Variants in VPS13C observed in about 807,000 individuals in gnomAD.
VPS13C encodes the protein intermembrane lipid transfer protein VPS13C.
A neutral mutation model predicts 456.8 loss-of-function variants in VPS13C; 358 were observed. The ratio of observed to expected loss-of-function variants is 0.78; its 90% CI spans 0.72 to 0.86. VPS13C has a LOEUF of 0.86. VPS13C is among the 40% of genes least tolerant of loss of function. The pLI, the probability that VPS13C is intolerant of heterozygous loss-of-function variation, is 0.00. For synonymous variants in VPS13C, 1,578 were observed against 1,486.7 expected (o/e 1.06, Z -1.41); for missense variants, 4,818 against 4,385.4 (o/e 1.10, Z -2.79).
chr15:61,970,351 C>A (rs1307832821), intron 27 of VPS13C, among the ~76,000 whole-genome samples: 2 of 152,118 alleles, frequency 1.3e-5, no homozygotes, highest in Non-Finnish European at 2.9e-5. Context: ...TCCTAACCCA[C>A]AAACCTGTAA....
intron 53 of VPS13C, among the ~76,000 whole-genome samples, chr15:61,923,105 A>C (rs1340651359): frequency 1.3e-5 from 2 of 152,162 alleles, no homozygotes; most frequent in Non-Finnish European, 2.9e-5. Flanking sequence ...AAGTATAGCA[A>C]TGTAAACAAA....
At chr15:61,922,110 T>C in intron 54 of VPS13C, 77 bp from the exon 55 acceptor site, 4 of 1,451,658 alleles carry the variant, frequency 2.8e-6, no homozygotes, top group Non-Finnish European at 3.8e-6. Flanking sequence ...AGGGAAATTA[T>C]TAAGTAATCA....
chr15:62,043,641 C>G (rs953375270), intron 2 of VPS13C, among the ~76,000 whole-genome samples: 1 of 151,916 alleles, frequency 6.6e-6, no homozygotes, highest in Admixed American at 6.6e-5. Context: ...AGGTTGGAAG[C>G]CGGAAAAAAA....
At position 61,968,696 on chromosome 15, in the gene VPS13C, T is replaced by C. The variant is rs115081041; in HGVS notation, c.2911+603A>G. ...TCATTTTTATTTTTATAACCTGGTG[T>C]TTCTTGTGGTATATGACAATCAGAG... On this transcript the variant is annotated intron_variant, in intron 28 of 84. Transcript: ENST00000644861. 9.0e-3 allele frequency among the ~76,000 whole-genome samples: 1,366 copies of C among 152,144 alleles called. 25 individuals carry two copies. The highest frequency in any genetic ancestry group is 0.031 in the African/African-American group (1,286 of 41,496).
Position 61,920,076 on chromosome 15 carries a change from G to A in VPS13C, c.7468C>T (p.Leu2490=), listed in dbSNP as rs141078479. The A allele has an allele frequency of 4.4e-6, 7 of 1,605,098 alleles. No homozygotes were observed. The highest frequency in any genetic ancestry group is 6.0e-6 in the Non-Finnish European group (7 of 1,173,794). Residue 2490 remains leucine, a synonymous_variant, in exon 57 of 85, where the codon CTG becomes TTG. Transcript: ENST00000644861. ...AACAAATATAGCCTACCAATGGTCA[G>A]AGTGAAGAAGGAGCTTTCTTGACGG... ...LSRQESSFFT[L]TIVPHGYTEV...
chr15:62,041,321 T>C lies in VPS13C; in HGVS notation c.187+3A>G, dbSNP rs757128239. On this transcript the variant is annotated splice_donor_region_variant and intron_variant, in intron 3 of 84. Coordinates refer to ENST00000644861, the MANE Select transcript of VPS13C (RefSeq NM_020821.3). ...TAATTCAAATGAAGACTAAAGTACTTACCAATTTGGCCAGCCTTGACTTTA... is the reference window on the plus strand; with the variant it reads ...TAATTCAAATGAAGACTAAAGTACTCACCAATTTGGCCAGCCTTGACTTTA... The C allele has an allele frequency of 2.5e-6, 4 of 1,606,470 alleles. No homozygotes were observed. The South Asian group carries it at 3.4e-5, about 14-fold the overall frequency.
chr15:62,044,965 G>C (rs1400814282), intron 1 of VPS13C, among the ~76,000 whole-genome samples: 1 of 151,964 alleles, frequency 6.6e-6, no homozygotes, highest in Non-Finnish European at 1.5e-5. Context: ...GTAAATTACT[G>C]TAATATATTT....
intron 24 of VPS13C, among the ~76,000 whole-genome samples, chr15:61,976,555 G>C (rs1168348564): frequency 6.6e-6 from 1 of 151,880 alleles, no homozygotes. Flanking sequence ...GAGATGGTGT[G>C]TTCATTGTCT....
intron 68 of VPS13C, among the ~76,000 whole-genome samples, chr15:61,883,402 G>T (rs542005554): frequency 9.9e-5 from 15 of 152,156 alleles, no homozygotes; most frequent in Non-Finnish European, 2.1e-4. Flanking sequence ...CGTCTGACAT[G>T]AATTATATAG....
At chr15:62,012,388 C>G (rs906546720) in intron 11 of VPS13C, among the ~76,000 whole-genome samples, 1 of 151,834 alleles carries the variant, frequency 6.6e-6, no homozygotes, top group African/African-American at 2.4e-5. Context: ...TGTCTACAAA[C>G]AACCTTGTAG....
chr15:62,044,955 G>A lies in VPS13C; in HGVS notation c.101-700C>T, dbSNP rs537131255. On this transcript the variant is annotated intron_variant, in intron 1 of 84. Transcript: ENST00000644861. The stretch of plus-strand genomic sequence containing the variant: ...TATAGTTTCAACATTAAATGCAGGC[G>A]TAAATTACTGTAATATATTTTCTTA... Among the ~76,000 whole-genome samples, 16 of 152,122 alleles carry A rather than the reference G, an allele frequency of 1.1e-4. No homozygotes were observed. The South Asian group carries it at 2.5e-3, about 24-fold the overall frequency.
chr15:61,908,667 T>G (rs1350099561), intron 65 of VPS13C, among the ~76,000 whole-genome samples: 3 of 152,162 alleles, frequency 2.0e-5, no homozygotes, highest in African/African-American at 7.2e-5. Context: ...TTTTGAAATT[T>G]AAAAAGCTCT....
rs2044587501 is a variant in VPS13C at position 61,945,884 on chromosome 15, T to C, written c.4981-2A>G. On this transcript the variant is annotated splice_acceptor_variant, in intron 44 of 84. Coordinates refer to ENST00000644861, the MANE Select transcript of VPS13C (RefSeq NM_020821.3). LOFTEE classifies it high-confidence loss of function. ...TTCATCTCCCAAAATAGAGACAGCC[T>C]AAAAGTATTAGATTAACTGGTTATT... is the stretch of plus-strand genomic sequence containing the variant. 1.3e-6 allele frequency: 2 copies of C among 1,599,190 alleles called. No homozygotes were observed. The highest frequency in any genetic ancestry group is 1.7e-6 in the Non-Finnish European group (2 of 1,176,292).
chr15:61,921,224 T>C (rs1326986493), intron 55 of VPS13C, among the ~76,000 whole-genome samples: 3 of 152,086 alleles, frequency 2.0e-5, no homozygotes, highest in African/African-American at 7.2e-5. Context: ...TGAGAGGAAA[T>C]TGGAACACAG....
chr15:62,026,616 T>G (rs1347134229), intron 6 of VPS13C, among the ~76,000 whole-genome samples: 2 of 152,050 alleles, frequency 1.3e-5, no homozygotes, highest in Non-Finnish European at 1.5e-5. Flanking sequence ...CCACTAAAAA[T>G]GGCTTTCCAG....
chr15:61,862,797 T>A (rs1288162358), intron 82 of VPS13C, among the ~76,000 whole-genome samples: 1 of 152,112 alleles, frequency 6.6e-6, no homozygotes, highest in Non-Finnish European at 1.5e-5. Flanking sequence ...TTAAATGCAG[T>A]CATGAGGAAT....
chr15:61,855,162 A>T lies in VPS13C; in HGVS notation c.11077-208T>A, dbSNP rs151126488. Among the ~76,000 whole-genome samples, 7 of 152,346 alleles carry T rather than the reference A, an allele frequency of 4.6e-5. No homozygotes were observed. In the East Asian group the frequency reaches 1.3e-3, roughly 29 times the overall value. On this transcript the variant is annotated intron_variant, in intron 83 of 84. Coordinates refer to ENST00000644861, the MANE Select transcript of VPS13C (RefSeq NM_020821.3). ...TTGTTAGAACTTATAAAATTGGATG[A>T]GCATACATCTATCTGTATAAAATAA...
chr15:62,022,742 T>C (rs2047507192), intron 8 of VPS13C, among the ~76,000 whole-genome samples: 1 of 151,964 alleles, frequency 6.6e-6, no homozygotes, highest in South Asian at 2.1e-4. Flanking sequence ...TTAGAAGCAA[T>C]GAACATTTCC....
chr15:61,946,470 A>G, intron 43 of VPS13C, 60 bp from the exon 44 acceptor site: 1 of 1,233,566 alleles, frequency 8.1e-7, no homozygotes, highest in Non-Finnish European at 1.1e-6. Context: ...AGCCAGTGGT[A>G]TTTAAGTTCA....
Sources: gnomAD v4.1 joint callset for allele counts (sites outside exome capture counted in the v4.1 genomes callset) on GRCh38, gnomAD v4.1.1 for gene constraint, MANE v1.5 for transcripts, NCBI Gene and HGNC (gene_info 2026-07-23, HGNC 2026-07-21) for gene names.